KDM4C: variants seen among roughly 807,000 people sequenced by gnomAD.
KDM4C encodes lysine-specific demethylase 4C.
In KDM4C, 81 loss-of-function variants were observed where a neutral mutation model predicts 129.3. That is an observed-to-expected ratio of 0.63 (90% CI 0.52 to 0.75). KDM4C has a LOEUF of 0.75. Ranked by LOEUF, KDM4C falls within the 30% of genes least tolerant of loss-of-function variation. The pLI is 0.00. For missense variants in KDM4C, 1,457 were observed against 1,304.0 expected (o/e 1.12, Z -1.81); for synonymous variants, 573 against 456.1 (o/e 1.26, Z -3.26).
chr9:7,041,455 T>G (rs1828594632), intron 15 of KDM4C, among the ~76,000 whole-genome samples: 1 of 152,050 alleles, frequency 6.6e-6, no homozygotes, highest in Non-Finnish European at 1.5e-5. Flanking sequence ...TCTATAGTCA[T>G]TAAACTTTTA....
At chr9:7,105,671 G>C (rs779531619) in intron 18 of KDM4C, among the ~76,000 whole-genome samples, 5 of 152,168 alleles carry the variant, frequency 3.3e-5, no homozygotes, top group Non-Finnish European at 5.9e-5. Context: ...AATGGTGCTA[G>C]AGGTGTTCAT....
At chr9:6,964,357 G>A (rs994856856) in intron 8 of KDM4C, among the ~76,000 whole-genome samples, 1 of 151,946 alleles carries the variant, frequency 6.6e-6, no homozygotes, top group East Asian at 1.9e-4. Flanking sequence ...TTCTGTCCTT[G>A]GGATAGTTTG....
chr9:6,822,140 A>G (rs1833143375), intron 4 of KDM4C, among the ~76,000 whole-genome samples: 1 of 152,224 alleles, frequency 6.6e-6, no homozygotes, highest in Non-Finnish European at 1.5e-5. Context: ...TTTGGCTGTC[A>G]AGTTCTGCCT....
At chr9:6,895,519 A>G (rs754960939) in intron 8 of KDM4C, among the ~76,000 whole-genome samples, 2 of 152,190 alleles carry the variant, frequency 1.3e-5, no homozygotes, top group South Asian at 2.1e-4. Flanking sequence ...GATCTCTGGG[A>G]TTAGGATGAG....
intron 17 of KDM4C, among the ~76,000 whole-genome samples, chr9:7,049,611 CAAGAAGAGACACACAGAGAAATA>C (rs1829871977): frequency 6.6e-6 from 1 of 152,000 alleles, no homozygotes; most frequent in African/African-American, 2.4e-5. Flanking sequence ...ATCTCTTCAC[CAAGAAGAGACACACAGAGAAATA>C]AAGAAGCTTT....
chr9:7,118,974 T>C (rs3802402), intron 18 of KDM4C, among the ~76,000 whole-genome samples: 3,643 of 152,246 alleles, frequency 0.024, 148 homozygotes, highest in East Asian at 0.18. Flanking sequence ...ACAAAAGCCC[T>C]TCCCCCTGTG....
At chr9:6,847,191 C>G (rs548017531) in intron 4 of KDM4C, among the ~76,000 whole-genome samples, 6 of 152,266 alleles carry the variant, frequency 3.9e-5, no homozygotes, top group Non-Finnish European at 7.4e-5. Flanking sequence ...AAAAATGGTT[C>G]CTATAATATG....
At chr9:7,070,206 A>G (rs748055605) in intron 17 of KDM4C, among the ~76,000 whole-genome samples, 9 of 152,234 alleles carry the variant, frequency 5.9e-5, no homozygotes, top group Non-Finnish European at 1.0e-4. Flanking sequence ...TGTTTTATTT[A>G]TTAATGGAGT....
intron 17 of KDM4C, among the ~76,000 whole-genome samples, chr9:7,050,795 C>A (rs1442270981): frequency 6.6e-6 from 1 of 152,082 alleles, no homozygotes; most frequent in Non-Finnish European, 1.5e-5. Context: ...CACATCAGTC[C>A]CAAAGGGTTT....
At position 7,004,264 on chromosome 9, in the gene KDM4C, C is replaced by T. The variant is rs966262791; in HGVS notation, c.1787-7434C>T. Among the ~76,000 whole-genome samples the T allele has an allele frequency of 7.2e-5, 11 of 152,254 alleles. No individual in the cohort carries two copies. The Middle Eastern group carries it at 0.017, about 235-fold the overall frequency. On this transcript the variant is annotated intron_variant, in intron 12 of 21. Coordinates refer to ENST00000381309, the MANE Select transcript of KDM4C (RefSeq NM_015061.6). ...AAAGATACTGTCCTGAGTGAGTGAA[C>T]GAATCTGGCAAAAATCTGTTCTTAA...
intron 8 of KDM4C, among the ~76,000 whole-genome samples, chr9:6,958,759 A>T (rs541559656): frequency 1.4e-5 from 2 of 144,664 alleles, no homozygotes; most frequent in East Asian, 4.0e-4. Context: ...TTCATGGCTC[A>T]CTGCAACCTC....
At chr9:6,919,067 G>A (rs1230810739) in intron 8 of KDM4C, among the ~76,000 whole-genome samples, 1 of 152,030 alleles carries the variant, frequency 6.6e-6, no homozygotes, top group Admixed American at 6.5e-5. Context: ...TGGCCAGACT[G>A]GTCTTGAACT....
At chr9:7,058,537 A>T (rs1422893375) in intron 17 of KDM4C, among the ~76,000 whole-genome samples, 1 of 152,204 alleles carries the variant, frequency 6.6e-6, no homozygotes, top group East Asian at 1.9e-4. Context: ...AGCTTGCTGC[A>T]GCTCACTGTT....
At chr9:7,104,715 C>G (rs1837482529) in intron 18 of KDM4C, among the ~76,000 whole-genome samples, 1 of 152,196 alleles carries the variant, frequency 6.6e-6, no homozygotes, top group Non-Finnish European at 1.5e-5. Flanking sequence ...ATGCTCAGCT[C>G]TGCTAACTTG....
chr9:6,933,016 C>G (rs1256279670), intron 8 of KDM4C, among the ~76,000 whole-genome samples: 4 of 152,140 alleles, frequency 2.6e-5, no homozygotes, highest in Admixed American at 2.6e-4. Context: ...TTAGGTTGTA[C>G]AAGCAAGTGT....
intron 4 of KDM4C, among the ~76,000 whole-genome samples, chr9:6,820,009 C>G (rs753681664): frequency 2.0e-5 from 3 of 151,360 alleles, no homozygotes; most frequent in African/African-American, 7.3e-5. Flanking sequence ...GTAAGAAAAT[C>G]GTAGCCGTTT....
At chr9:6,784,498 G>A (rs1825049356) in intron 1 of KDM4C, among the ~76,000 whole-genome samples, 1 of 152,070 alleles carries the variant, frequency 6.6e-6, no homozygotes, top group African/African-American at 2.4e-5. Flanking sequence ...TCCCAAAGTG[G>A]TGAGATTACA....
At chr9:6,784,659 A>T (rs10975827) in intron 1 of KDM4C, among the ~76,000 whole-genome samples, 15,716 of 152,308 alleles carry the variant, frequency 0.1, 954 homozygotes, top group African/African-American at 0.16. Context: ...CTCAGCAGGC[A>T]GGTGGAACAA....
chr9:6,766,852 G>A (rs539868397), intron 1 of KDM4C, among the ~76,000 whole-genome samples: 12 of 151,922 alleles, frequency 7.9e-5, no homozygotes, highest in Admixed American at 2.0e-4. Context: ...CTGCCAGTAC[G>A]TTTTCTCTTG....
Sources: gnomAD v4.1 joint callset for allele counts (sites outside exome capture counted in the v4.1 genomes callset) on GRCh38, gnomAD v4.1.1 for gene constraint, MANE v1.5 for transcripts, NCBI Gene and HGNC (gene_info 2026-07-23, HGNC 2026-07-21) for gene names.